XRCC5: variants seen among roughly 807,000 people sequenced by gnomAD.
The protein encoded by XRCC5 is DNA repair protein Ku80.
Under a neutral mutation model 95.7 loss-of-function variants are expected in XRCC5, and 12 were observed. That is an observed-to-expected ratio of 0.13 (90% CI 0.08 to 0.20). XRCC5 has a LOEUF of 0.20. Ranked by LOEUF, XRCC5 falls within the 10% of genes least tolerant of loss-of-function variation. The pLI, the probability that XRCC5 is intolerant of heterozygous loss-of-function variation, is 1.00. For synonymous variants in XRCC5, 281 were observed against 290.3 expected (o/e 0.97, Z 0.33); for missense variants, 595 against 873.9 (o/e 0.68, Z 4.02).
chr2:216,180,420 A>G (rs1488717473), intron 16 of XRCC5, among the ~76,000 whole-genome samples: 2 of 152,200 alleles, frequency 1.3e-5, no homozygotes, highest in African/African-American at 4.8e-5. Flanking sequence ...GAAGCCAGGA[A>G]TTCAAGACCA....
chr2:216,204,903 G>C (rs41296833), intron 20 of XRCC5, among the ~76,000 whole-genome samples: 1 of 152,204 alleles, frequency 6.6e-6, no homozygotes, highest in Admixed American at 6.5e-5. Flanking sequence ...AATGTCTTTT[G>C]TATCTATCCT....
intron 16 of XRCC5, among the ~76,000 whole-genome samples, chr2:216,169,315 A>G (rs2106032080): frequency 6.6e-6 from 1 of 152,290 alleles, no homozygotes; most frequent in Middle Eastern, 3.4e-3. Context: ...TTACAGTTAG[A>G]CCCTGTACAT....
chr2:216,165,365 G>T (rs1242030579), intron 16 of XRCC5, among the ~76,000 whole-genome samples: 2 of 152,180 alleles, frequency 1.3e-5, no homozygotes, highest in Non-Finnish European at 2.9e-5. Context: ...CTAAGACTTG[G>T]TGAATCAGAG....
intron 16 of XRCC5, chr2:216,175,856 T>C: frequency 2.3e-6 from 1 of 432,942 alleles, no homozygotes. Flanking sequence ...TGTGCCCCCT[T>C]TCTCAAAATG....
chr2:216,205,054 G>A, intron 20 of XRCC5, 134 bp from the exon 21 acceptor site: 2 of 1,005,838 alleles, frequency 2.0e-6, no homozygotes, highest in Non-Finnish European at 3.1e-6. Flanking sequence ...CTAAAATAAT[G>A]AGCGGTGAAT....
chr2:216,192,885 A>G, intron 18 of XRCC5, 150 bp downstream of exon 18: 1 of 535,992 alleles, frequency 1.9e-6, no homozygotes, highest in Non-Finnish European at 3.1e-6. Flanking sequence ...GCTTTGGGAA[A>G]TGCTCAGTGT....
chr2:216,169,031 G>A (rs1689104810), intron 16 of XRCC5, among the ~76,000 whole-genome samples: 1 of 152,210 alleles, frequency 6.6e-6, no homozygotes, highest in African/African-American at 2.4e-5. Flanking sequence ...TGTGCCTGTT[G>A]ATAGGACTTT....
At chr2:216,195,315 A>T (rs1385067413) in intron 19 of XRCC5, among the ~76,000 whole-genome samples, 1 of 127,022 alleles carries the variant, frequency 7.9e-6, no homozygotes, top group African/African-American at 2.7e-5. Context: ...CTGGCCACAC[A>T]TTAGTTACTT....
chr2:216,126,129 A>G (rs1696896998), intron 7 of XRCC5, 98 bp downstream of exon 7: 7 of 924,616 alleles, frequency 7.6e-6, no homozygotes, highest in Admixed American at 2.4e-5. Flanking sequence ...ACTCGGAACC[A>G]TAATTACTGC....
At chr2:216,175,116 A>G in intron 16 of XRCC5, 1 of 331,680 alleles carries the variant, frequency 3.0e-6, no homozygotes, top group Non-Finnish European at 5.9e-6. Context: ...CATATCCTTC[A>G]CCACTATCCC....
chr2:216,162,790 A>C (rs149724682), intron 16 of XRCC5, among the ~76,000 whole-genome samples: 1 of 152,250 alleles, frequency 6.6e-6, no homozygotes, highest in East Asian at 1.9e-4. Flanking sequence ...GCTGCCCCTA[A>C]ATTTAATCCT....
chr2:216,179,752 T>A (rs1689347793), intron 16 of XRCC5, among the ~76,000 whole-genome samples: 1 of 152,144 alleles, frequency 6.6e-6, no homozygotes, highest in Non-Finnish European at 1.5e-5. Flanking sequence ...GGGGTACATA[T>A]CACATAAGGC....
chr2:216,172,469 C>CTTTTTTTGTTTTTTTTT (rs1689184647), intron 16 of XRCC5, among the ~76,000 whole-genome samples: 1 of 107,800 alleles, frequency 9.3e-6, no homozygotes, highest in Non-Finnish European at 1.8e-5. Context: ...CTTTTCTTTT[C>CTTTTTTTGTTTTTTTTT]TTTTTTTTTT....
At chr2:216,187,865 C>T (rs1399094485) in intron 16 of XRCC5, among the ~76,000 whole-genome samples, 1 of 118,826 alleles carries the variant, frequency 8.4e-6, no homozygotes, top group Admixed American at 8.3e-5. Context: ...TCTCTCTCCC[C>T]GTCTCCCTGT....
intron 1 of XRCC5, among the ~76,000 whole-genome samples, chr2:216,110,802 TAAG>T (rs1482801162): frequency 2.6e-5 from 4 of 152,218 alleles, no homozygotes; most frequent in Admixed American, 6.5e-5. Flanking sequence ...TTGTGACTCT[TAAG>T]TTTTTTTAGG....
intron 14 of XRCC5, among the ~76,000 whole-genome samples, chr2:216,152,515 G>A (rs1476585409): frequency 6.6e-6 from 1 of 151,822 alleles, no homozygotes; most frequent in Non-Finnish European, 1.5e-5. Flanking sequence ...GCAGTTTTGT[G>A]GCCCATCTTA....
intron 16 of XRCC5, among the ~76,000 whole-genome samples, chr2:216,186,368 G>A (rs1345639844): frequency 2.0e-5 from 3 of 152,206 alleles, no homozygotes; most frequent in African/African-American, 4.8e-5. Flanking sequence ...GAAGCAGAAT[G>A]TGTATTTCAG....
chr2:216,193,360 A>G (rs1416682692), intron 18 of XRCC5, among the ~76,000 whole-genome samples: 1 of 152,212 alleles, frequency 6.6e-6, no homozygotes, highest in Non-Finnish European at 1.5e-5. Context: ...GAACCCAAGT[A>G]TAAGATATTA....
chr2:216,150,980 T>C (rs957613358), intron 14 of XRCC5, among the ~76,000 whole-genome samples: 1 of 152,198 alleles, frequency 6.6e-6, no homozygotes, highest in Non-Finnish European at 1.5e-5. Context: ...ATTTTTCAGT[T>C]TCATTATAAT....
Sources: gnomAD v4.1 joint callset for allele counts (sites outside exome capture counted in the v4.1 genomes callset) on GRCh38, gnomAD v4.1.1 for gene constraint, MANE v1.5 for transcripts, NCBI Gene and HGNC (gene_info 2026-07-23, HGNC 2026-07-21) for gene names.